SLC18A1: variants seen among roughly 807,000 people sequenced by gnomAD.
The protein encoded by SLC18A1 is solute carrier family 18 member A1.
Under a neutral mutation model 53.7 loss-of-function variants are expected in SLC18A1, and 69 were observed. The ratio of observed to expected loss-of-function variants is 1.28; its 90% CI spans 1.06 to 1.57. The LOEUF is 1.57. SLC18A1 is among the 40% of genes most tolerant of loss of function. The pLI is 0.00. For missense variants in SLC18A1, 932 were observed against 668.1 expected, an observed-to-expected ratio of 1.40 and a Z score of -4.35; for synonymous variants, 320 against 248.1, an observed-to-expected ratio of 1.29 and a Z score of -2.72.
intron 11 of SLC18A1, 107 bp from the exon 12 acceptor site, chr8:20,149,834 C>T (rs752355244): frequency 3.2e-5 from 31 of 971,588 alleles, no homozygotes; most frequent in Non-Finnish European, 4.7e-5. Context: ...TCCCAGCAAC[C>T]CCTTAGGACC....
At chr8:20,146,216 A>C (rs2071393632) in intron 15 of SLC18A1, among the ~76,000 whole-genome samples, 1 of 152,042 alleles carries the variant, frequency 6.6e-6, no homozygotes, top group South Asian at 2.1e-4. Flanking sequence ...CGCCCGGCCA[A>C]CCACCGCACA....
At chr8:20,172,983 G>T in intron 6 of SLC18A1, 53 bp downstream of exon 6, 1 of 1,327,268 alleles carries the variant, frequency 7.5e-7, no homozygotes, top group Non-Finnish European at 1.1e-6. Flanking sequence ...GGGAACACCT[G>T]CTTCCTAGAG....
chr8:20,167,723 C>G (rs2072004639), intron 8 of SLC18A1, among the ~76,000 whole-genome samples: 2 of 152,076 alleles, frequency 1.3e-5, no homozygotes, highest in Admixed American at 6.5e-5. Flanking sequence ...TGGGTTCATG[C>G]CATTCTCCTG....
At position 20,180,877 on chromosome 8, in the gene SLC18A1, C is replaced by G. The variant is rs772241617; in HGVS notation, c.88G>C (p.Ala30Pro). 18 of 1,613,858 alleles carry G rather than the reference C, an allele frequency of 1.1e-5. No homozygotes were observed. The East Asian group carries it at 4.0e-4, about 36-fold the overall frequency. Residue 30 changes from alanine to proline, a missense_variant, in exon 2 of 16, where the codon GCT becomes CCT. Physicochemically the swap from Ala to Pro is conservative, Grantham distance 27. Coordinates refer to ENST00000276373, the MANE Select transcript of SLC18A1 (RefSeq NM_003053.4). ...RQLVLVVVFV[A>P]LLLDNMLFTV... ...AACAGCATGTTGTCCAGGAGCAAAGCGACGAATACCACCACCAGCACCAGC... is the reference window on the plus strand; with the variant it reads ...AACAGCATGTTGTCCAGGAGCAAAGGGACGAATACCACCACCAGCACCAGC...
At position 20,170,412 on chromosome 8, in the gene SLC18A1, A is replaced by C. The variant is rs532449643; in HGVS notation, c.858+691T>G. On this transcript the variant is annotated intron_variant, in intron 8 of 15. Coordinates refer to ENST00000276373, the MANE Select transcript of SLC18A1 (RefSeq NM_003053.4). Reference sequence around the variant, plus strand: ...GCGTGAAAAGCCCTGAAGAATGATGAGGTGTTAGTGTCATGACTTCCGGAA... The same window carrying C: ...GCGTGAAAAGCCCTGAAGAATGATGCGGTGTTAGTGTCATGACTTCCGGAA... Among the ~76,000 whole-genome samples the C allele has an allele frequency of 8.5e-5, 13 of 152,266 alleles. No individual in the cohort carries two copies. In the South Asian group the frequency reaches 2.7e-3, roughly 32 times the overall value.
intron 10 of SLC18A1, among the ~76,000 whole-genome samples, chr8:20,151,984 T>G (rs2071568422): frequency 6.6e-6 from 1 of 152,166 alleles, no homozygotes; most frequent in South Asian, 2.1e-4. Flanking sequence ...TGAAAAGTGT[T>G]GAGTTATGTG....
intron 8 of SLC18A1, among the ~76,000 whole-genome samples, chr8:20,167,947 C>A (rs891225443): frequency 2.0e-5 from 3 of 151,946 alleles, no homozygotes; most frequent in African/African-American, 4.8e-5. Flanking sequence ...AAACACCATT[C>A]CCTACTAACA....
chr8:20,172,843 T>C (rs2072157692), intron 6 of SLC18A1, among the ~76,000 whole-genome samples, 193 bp downstream of exon 6: 1 of 152,214 alleles, frequency 6.6e-6, no homozygotes, highest in South Asian at 2.1e-4. Context: ...TCCGGACCTT[T>C]CTCCGACGTT....
intron 1 of SLC18A1, among the ~76,000 whole-genome samples, chr8:20,181,378 T>G (rs2072425206): frequency 6.6e-6 from 1 of 152,166 alleles, no homozygotes; most frequent in Non-Finnish European, 1.5e-5. Context: ...ATCACCTTGA[T>G]GGTTTATGTC....
At chr8:20,171,282 C>T (rs2072109278) in intron 7 of SLC18A1, 123 bp downstream of exon 7, 1 of 1,302,208 alleles carries the variant, frequency 7.7e-7, no homozygotes, top group Non-Finnish European at 1.1e-6. Context: ...TACAACGGGG[C>T]AGTCCTTGAT....
At chr8:20,173,639 C>T (rs542557439) in intron 5 of SLC18A1, among the ~76,000 whole-genome samples, 1 of 152,180 alleles carries the variant, frequency 6.6e-6, no homozygotes, top group Non-Finnish European at 1.5e-5. Context: ...CATAAGATTG[C>T]ATTAGATATT....
chr8:20,181,723 A>G (rs2072432669), intron 1 of SLC18A1: 1 of 152,206 alleles, frequency 6.6e-6, no homozygotes, highest in Non-Finnish European at 1.5e-5. Flanking sequence ...TGGGCTGCCC[A>G]CTGAGAAACA....
At chr8:20,166,625 C>A (rs985566235) in intron 8 of SLC18A1, among the ~76,000 whole-genome samples, 10 of 151,196 alleles carry the variant, frequency 6.6e-5, no homozygotes, top group African/African-American at 1.5e-4. Context: ...TCTGAGTACA[C>A]CTTTTGGAAT....
chr8:20,155,652 G>A (rs555425260), intron 10 of SLC18A1, among the ~76,000 whole-genome samples: 1 of 152,174 alleles, frequency 6.6e-6, no homozygotes, highest in Non-Finnish European at 1.5e-5. Context: ...TCTTGAAAGT[G>A]TAGCCCCAGA....
intron 11 of SLC18A1, among the ~76,000 whole-genome samples, chr8:20,150,207 T>C (rs1186312145): frequency 6.6e-6 from 1 of 152,230 alleles, no homozygotes; most frequent in Non-Finnish European, 1.5e-5. Flanking sequence ...AAATTAAAGC[T>C]GTCCTTATTG....
At position 20,180,618 on chromosome 8, in the gene SLC18A1, G is replaced by A. The variant is rs74927472; in HGVS notation, c.124+223C>T. On this transcript the variant is annotated intron_variant, in intron 2 of 15. Transcript: ENST00000276373. ...CTCTTCTCCAGTCAGACCCTCTCTG[G>A]ACCTCCTGCTCTTTGAACCTCCTGA... 4.1e-4 allele frequency among the ~76,000 whole-genome samples: 63 copies of A among 152,274 alleles called. No homozygotes were observed. The East Asian group carries it at 0.012, about 28-fold the overall frequency.
intron 4 of SLC18A1, among the ~76,000 whole-genome samples, chr8:20,174,734 C>G (rs1228159518): frequency 6.6e-6 from 1 of 152,124 alleles, no homozygotes; most frequent in Non-Finnish European, 1.5e-5. Context: ...AACATTCTGT[C>G]CACTGAAATG....
In SLC18A1 at chr8:20,152,808, G is replaced by A. The variant is rs1190177332; in HGVS notation, c.1016-2064C>T. Among the ~76,000 whole-genome samples the A allele has an allele frequency of 5.3e-5, 8 of 152,348 alleles. No individual in the cohort carries two copies. The South Asian group carries it at 1.2e-3, about 24-fold the overall frequency. On this transcript the variant is annotated intron_variant, in intron 10 of 15. Coordinates refer to ENST00000276373, the MANE Select transcript of SLC18A1 (RefSeq NM_003053.4). ...GCAGAGATAGCACAGGAGATGAGGA[G>A]TAGCCAATGAAGTAGGTGAGGGGAG...
intron 10 of SLC18A1, among the ~76,000 whole-genome samples, chr8:20,158,037 C>A (rs1223282905): frequency 1.3e-5 from 2 of 152,234 alleles, no homozygotes; most frequent in Non-Finnish European, 2.9e-5. Context: ...GGACGAAGGT[C>A]CTCTGAGTCA....
Sources: gnomAD v4.1 joint callset for allele counts (sites outside exome capture counted in the v4.1 genomes callset) on GRCh38, gnomAD v4.1.1 for gene constraint, MANE v1.5 for transcripts, NCBI Gene and HGNC (gene_info 2026-07-23, HGNC 2026-07-21) for gene names.